COBL: variants seen among roughly 807,000 people sequenced by gnomAD.
The protein encoded by COBL is protein cordon-bleu.
Under a neutral mutation model 98.8 loss-of-function variants are expected in COBL, and 51 were observed. That is an observed-to-expected ratio of 0.52 (90% CI 0.41 to 0.65). COBL has a LOEUF of 0.65. Among genes scored for constraint, COBL ranks in the 30% least tolerant of loss-of-function variants. The pLI is 0.00. For missense variants in COBL, 1,617 were observed against 1,617.5 expected, an observed-to-expected ratio of 1.00 and a Z score of 0.01; for synonymous variants, 634 against 651.7, an observed-to-expected ratio of 0.97 and a Z score of 0.41.
chr7:51,191,121 C>T (rs1378525222), intron 3 of COBL, 43 bp from the exon 4 acceptor site: 1 of 1,549,474 alleles, frequency 6.5e-7, no homozygotes, highest in South Asian at 1.2e-5. Context: ...AAGATATCCT[C>T]CCACAAGCCT....
intron 6 of COBL, among the ~76,000 whole-genome samples, chr7:51,129,291 C>G (rs1350728458): frequency 6.6e-6 from 1 of 151,730 alleles, no homozygotes; most frequent in Non-Finnish European, 1.5e-5. Flanking sequence ...CAGAGGGCGC[C>G]TTCTTGCTTT....
intron 7 of COBL, among the ~76,000 whole-genome samples, chr7:51,057,547 G>C (rs560961143): frequency 2.6e-5 from 4 of 152,200 alleles, no homozygotes; most frequent in Admixed American, 2.6e-4. Context: ...CTGTGCGTCT[G>C]CTTGTAACAG....
At chr7:51,280,517 T>C (rs1378891138) in intron 1 of COBL, among the ~76,000 whole-genome samples, 1 of 152,218 alleles carries the variant, frequency 6.6e-6, no homozygotes, top group Non-Finnish European at 1.5e-5. Flanking sequence ...TTTTTCTCCT[T>C]TCTCTTTTCT....
Position 51,049,004 on chromosome 7 carries a change from A to C in COBL, c.1097-5312T>G, listed in dbSNP as rs531650258. On this transcript the variant is annotated intron_variant, in intron 7 of 12. Transcript: ENST00000265136. ...GCTTGTCACATACGAAGGTAAATTA[A>C]GGGACTTTTGTTATGGTTACATCAT... Among the ~76,000 whole-genome samples the C allele has an allele frequency of 1.1e-4, 17 of 152,340 alleles. No homozygotes were observed. The South Asian group carries it at 3.5e-3, about 32-fold the overall frequency.
At chr7:51,149,033 T>A (rs572737325) in intron 5 of COBL, among the ~76,000 whole-genome samples, 1 of 152,346 alleles carries the variant, frequency 6.6e-6, no homozygotes, top group South Asian at 2.1e-4. Flanking sequence ...TCCAAGTTCC[T>A]GAGACATCCT....
At chr7:51,125,929 A>G (rs1175248868) in intron 6 of COBL, among the ~76,000 whole-genome samples, 1 of 152,252 alleles carries the variant, frequency 6.6e-6, no homozygotes, top group African/African-American at 2.4e-5. Flanking sequence ...TTTTTCAGCT[A>G]AAATTTTGTA....
At chr7:51,103,889 G>A (rs538426773) in intron 6 of COBL, among the ~76,000 whole-genome samples, 2 of 152,314 alleles carry the variant, frequency 1.3e-5, no homozygotes, top group South Asian at 2.1e-4. Flanking sequence ...TGCCCTTCCC[G>A]ACAGGCCTGC....
intron 12 of COBL, among the ~76,000 whole-genome samples, chr7:51,018,719 C>A (rs1199921958): frequency 6.6e-6 from 1 of 150,892 alleles, no homozygotes. Context: ...ATGGAGAAAT[C>A]CCGTCTCTAC....
chr7:51,053,774 T>C (rs1183422203), intron 7 of COBL, among the ~76,000 whole-genome samples: 1 of 152,258 alleles, frequency 6.6e-6, no homozygotes, highest in East Asian at 1.9e-4. Flanking sequence ...CTCGTCTTTG[T>C]GTCTCTGCTC....
At chr7:51,279,028 T>C (rs549263064) in intron 1 of COBL, among the ~76,000 whole-genome samples, 80 of 152,360 alleles carry the variant, frequency 5.3e-4, no homozygotes, top group African/African-American at 1.9e-3. Context: ...ATACAGCTGT[T>C]GTCATACTCA....
chr7:51,054,207 C>G (rs781136843), intron 7 of COBL, among the ~76,000 whole-genome samples: 9 of 152,176 alleles, frequency 5.9e-5, no homozygotes, highest in South Asian at 2.1e-4. Context: ...AACAAACAAA[C>G]AAAGAACACA....
intron 7 of COBL, among the ~76,000 whole-genome samples, chr7:51,054,080 C>A (rs981913577): frequency 3.9e-5 from 6 of 152,130 alleles, no homozygotes; most frequent in African/African-American, 1.4e-4. Context: ...ACTCGGGAGG[C>A]TGAGGCAGAA....
rs550329839 is a variant in COBL at position 51,296,762 on chromosome 7, G to A, written c.41+19831C>T. On this transcript the variant is annotated intron_variant, in intron 1 of 12. Coordinates refer to ENST00000265136, the MANE Select transcript of COBL (RefSeq NM_015198.5). ...GCTTGCTTTCAATCTGGGCTGGACC[G>A]CCTTTTTCCAAAGCAATTTGGTTAA... Among the ~76,000 whole-genome samples the A allele has an allele frequency of 5.3e-5, 8 of 152,232 alleles. No homozygotes were observed. The South Asian group carries it at 6.2e-4, about 12-fold the overall frequency.
In COBL at chr7:51,028,236, C is replaced by A. The variant is rs1292432965; in HGVS notation, c.2860G>T (p.Val954Phe). Residue 954 changes from valine to phenylalanine, a missense_variant, in exon 10 of 13, where the codon GTC becomes TTC. Coordinates refer to ENST00000265136, the MANE Select transcript of COBL (RefSeq NM_015198.5). Reference protein sequence around the residue: ...LAVGAPPRGEVIGPHRKLSTQ... With the variant: ...LAVGAPPRGEFIGPHRKLSTQ... ...GACAACTTCCTGTGTGGGCCAATGACCTCCCCCCTAGGAGGGGCTCCCACT... is the reference window on the plus strand; with the variant it reads ...GACAACTTCCTGTGTGGGCCAATGAACTCCCCCCTAGGAGGGGCTCCCACT... The A allele has an allele frequency of 6.2e-7, 1 of 1,613,992 alleles. No individual in the cohort carries two copies. Among genetic ancestry groups the A allele is most frequent in the Non-Finnish European group, 8.5e-7 (1 of 1,179,904 alleles).
chr7:51,128,740 C>CA (rs145352941), intron 6 of COBL, among the ~76,000 whole-genome samples: 12,907 of 152,302 alleles, frequency 0.085, 778 homozygotes, highest in South Asian at 0.16. Context: ...CTCCATAAGA[C>CA]AGTGCTGTGC....
chr7:51,030,944 C>A (rs1393124942), intron 8 of COBL, 35 bp from the exon 9 acceptor site: 2 of 1,342,184 alleles, frequency 1.5e-6, no homozygotes. Flanking sequence ...GCACTCATTT[C>A]TCTTACTATT....
At chr7:51,281,398 CTT>C (rs1799808253) in intron 1 of COBL, among the ~76,000 whole-genome samples, 1 of 152,062 alleles carries the variant, frequency 6.6e-6, no homozygotes, top group Non-Finnish European at 1.5e-5. Context: ...TAACAGAAAA[CTT>C]TTCAAATTTC....
intron 6 of COBL, among the ~76,000 whole-genome samples, chr7:51,135,799 C>T (rs951798424): frequency 3.3e-5 from 5 of 152,178 alleles, no homozygotes; most frequent in African/African-American, 7.2e-5. Flanking sequence ...TTGTGGCATG[C>T]TGCCTCCACA....
intron 1 of COBL, among the ~76,000 whole-genome samples, chr7:51,262,394 C>T (rs1019012966): frequency 2.0e-5 from 3 of 152,166 alleles, no homozygotes; most frequent in African/African-American, 7.2e-5. Flanking sequence ...CGGACGAAAC[C>T]GTGTCAGAGT....
Sources: gnomAD v4.1 joint callset for allele counts (sites outside exome capture counted in the v4.1 genomes callset) on GRCh38, gnomAD v4.1.1 for gene constraint, MANE v1.5 for transcripts, NCBI Gene and HGNC (gene_info 2026-07-23, HGNC 2026-07-21) for gene names.